The following PACSIN2 variants were observed in gnomAD, a reference collection of about 807,000 sequenced individuals.
PACSIN2 encodes protein kinase C and casein kinase substrate in neurons protein 2.
Under a neutral mutation model 63.8 loss-of-function variants are expected in PACSIN2, and 25 were observed. The ratio of observed to expected loss-of-function variants is 0.39; its 90% CI spans 0.29 to 0.55. PACSIN2 has a LOEUF of 0.55. Ranked by LOEUF, PACSIN2 falls within the 20% of genes least tolerant of loss-of-function variation. The probability of loss-of-function intolerance (pLI) is 0.62; values close to 1 mark genes in which losing one functional copy is unlikely to be tolerated. For synonymous variants in PACSIN2, 255 were observed against 256.2 expected, an observed-to-expected ratio of 1.00 and a Z score of 0.05; for missense variants, 518 against 646.9, an observed-to-expected ratio of 0.80 and a Z score of 2.16.
At chr22:42,950,080 T>C (rs1933613115) in intron 1 of PACSIN2, among the ~76,000 whole-genome samples, 1 of 152,138 alleles carries the variant, frequency 6.6e-6, no homozygotes, top group Non-Finnish European at 1.5e-5. Context: ...ATCGAAAATA[T>C]ACGGGGGAAA....
chr22:42,890,696 G>C (rs956829470), intron 4 of PACSIN2, among the ~76,000 whole-genome samples: 1 of 152,204 alleles, frequency 6.6e-6, no homozygotes, highest in Non-Finnish European at 1.5e-5. Flanking sequence ...GCCTGGGAGA[G>C]AGAGTGAGAC....
rs968202800 is a variant in PACSIN2, at chr22:42,952,306, A to AATTT, written c.-77-40153_-77-40150dup. 5.9e-5 allele frequency among the ~76,000 whole-genome samples: 9 copies of AATTT among 152,026 alleles called. 1 individual carries two copies. The highest frequency in any genetic ancestry group is 2.2e-4 in the African/African-American group (9 of 41,510). ...ATCTTAATGACTCTCCTGTTGAAGAAATTTATTTATTTATTTATTATTTTA... is the reference window on the plus strand; with the variant it reads ...ATCTTAATGACTCTCCTGTTGAAGAAATTTATTTATTTATTTATTTATTATTTTA... On this transcript the variant is annotated intron_variant, in intron 1 of 10. Transcript: ENST00000263246.
At chr22:42,872,973 G>A (rs943380764) in intron 10 of PACSIN2, among the ~76,000 whole-genome samples, 2 of 152,222 alleles carry the variant, frequency 1.3e-5, no homozygotes, top group African/African-American at 4.8e-5. Context: ...TCACAGGCCT[G>A]GATCCAGGCT....
At chr22:42,937,946 G>A (rs560829817) in intron 1 of PACSIN2, among the ~76,000 whole-genome samples, 1 of 152,346 alleles carries the variant, frequency 6.6e-6, no homozygotes, top group African/African-American at 2.4e-5. Context: ...AATGACAGCG[G>A]TAGAAGTCTC....
chr22:42,898,325 G>A (rs1384291717), intron 2 of PACSIN2, among the ~76,000 whole-genome samples: 1 of 151,080 alleles, frequency 6.6e-6, no homozygotes, highest in Admixed American at 6.6e-5. Context: ...AGGCTGGAGT[G>A]CAATGGTGCG....
At chr22:42,931,331 C>T (rs1042384581) in intron 1 of PACSIN2, among the ~76,000 whole-genome samples, 9 of 152,256 alleles carry the variant, frequency 5.9e-5, no homozygotes, top group Admixed American at 3.3e-4. Flanking sequence ...ACTAACACTG[C>T]CTACCACTCC....
In PACSIN2 at chr22:42,934,984, C is replaced by T. The variant is rs183536763; in HGVS notation, c.-77-22827G>A. On this transcript the variant is annotated intron_variant, in intron 1 of 10. Coordinates refer to ENST00000263246, the MANE Select transcript of PACSIN2 (RefSeq NM_001184970.3). ...AGGCTGGAGTGCAGTGGCGCAATCT[C>T]GGCTCACTGCAAGCTCCACCTCCCA... 3.9e-3 allele frequency among the ~76,000 whole-genome samples: 587 copies of T among 151,892 alleles called. 5 individuals carry two copies. Among genetic ancestry groups the T allele is most frequent in the African/African-American group, 0.014 (562 of 41,402 alleles).
At chr22:42,908,268 C>T (rs757358031) in intron 2 of PACSIN2, among the ~76,000 whole-genome samples, 3 of 152,140 alleles carry the variant, frequency 2.0e-5, no homozygotes, top group Non-Finnish European at 4.4e-5. Context: ...AAATAAGTGG[C>T]GTCTGCCCTC....
chr22:42,905,162 C>T (rs754885082), intron 2 of PACSIN2, among the ~76,000 whole-genome samples: 1 of 152,214 alleles, frequency 6.6e-6, no homozygotes, highest in African/African-American at 2.4e-5. Context: ...CACAAAACCC[C>T]GAAGTGCTAA....
chr22:42,997,091 C>T (rs935045811), intron 1 of PACSIN2, among the ~76,000 whole-genome samples: 1 of 152,144 alleles, frequency 6.6e-6, no homozygotes, highest in African/African-American at 2.4e-5. Context: ...GAGGCTTGGA[C>T]CCTCCCGCCC....
chr22:42,895,986 C>A (rs1388661178), intron 2 of PACSIN2, among the ~76,000 whole-genome samples: 2 of 152,220 alleles, frequency 1.3e-5, no homozygotes, highest in African/African-American at 4.8e-5. Flanking sequence ...TGCAGTCGTC[C>A]CAGGAGCAGA....
At chr22:42,998,870 C>T (rs1021170725) in intron 1 of PACSIN2, among the ~76,000 whole-genome samples, 5 of 152,082 alleles carry the variant, frequency 3.3e-5, no homozygotes, top group African/African-American at 9.7e-5. Flanking sequence ...GAGAGGAAGT[C>T]GAGAGGAGTT....
intron 2 of PACSIN2, among the ~76,000 whole-genome samples, chr22:42,910,723 A>AC (rs76220797): frequency 0.21 from 31,474 of 151,916 alleles, 5,507 homozygotes; most frequent in East Asian, 0.73. Context: ...CTGAAATTTG[A>AC]GCTGGGTGCC....
chr22:42,928,511 T>C (rs796869583), intron 1 of PACSIN2, among the ~76,000 whole-genome samples: 1 of 152,236 alleles, frequency 6.6e-6, no homozygotes, highest in Admixed American at 6.5e-5. Context: ...ATAAGCCTCA[T>C]TTGTGAAATT....
At chr22:42,931,119 G>A (rs1932770190) in intron 1 of PACSIN2, among the ~76,000 whole-genome samples, 1 of 152,224 alleles carries the variant, frequency 6.6e-6, no homozygotes, top group African/African-American at 2.4e-5. Context: ...AGCTCAAGGT[G>A]TTGAGGGAGG....
chr22:42,911,357 C>T (rs1477299914), intron 2 of PACSIN2, among the ~76,000 whole-genome samples: 1 of 150,220 alleles, frequency 6.7e-6, no homozygotes. Flanking sequence ...CTTCAGTGAG[C>T]CATGATGGTG....
intron 2 of PACSIN2, among the ~76,000 whole-genome samples, chr22:42,911,484 C>T (rs1031955596): frequency 6.6e-6 from 1 of 151,642 alleles, no homozygotes; most frequent in Non-Finnish European, 1.5e-5. Context: ...AGGAACAACA[C>T]CCTCCGCCTC....
chr22:43,009,865 A>ATTTTTTTTTT (rs898985902), intron 1 of PACSIN2, among the ~76,000 whole-genome samples: 1 of 75,616 alleles, frequency 1.3e-5, no homozygotes, highest in African/African-American at 3.6e-5. Flanking sequence ...TATTTTTTCT[A>ATTTTTTTTTT]TTTTTTTTTT....
intron 1 of PACSIN2, among the ~76,000 whole-genome samples, chr22:42,961,590 G>A (rs2146851207): frequency 6.6e-6 from 1 of 152,178 alleles, no homozygotes; most frequent in African/African-American, 2.4e-5. Flanking sequence ...TAGCCAATAT[G>A]GTGAAACCTC....
Sources: allele counts gnomAD v4.1 joint callset (sites outside exome capture counted in the v4.1 genomes callset), GRCh38; gene constraint gnomAD v4.1.1; transcripts MANE v1.5; gene names NCBI Gene and HGNC (gene_info 2026-07-23, HGNC 2026-07-21).